The following DCBLD2 variants were observed in gnomAD, a reference collection of about 807,000 sequenced individuals.
DCBLD2 encodes discoidin, CUB and LCCL domain-containing protein 2.
In DCBLD2, 54 loss-of-function variants were observed where a neutral mutation model predicts 86.8. That is an observed-to-expected ratio of 0.62 (90% CI 0.50 to 0.78). The LOEUF is 0.78. Among genes scored for constraint, DCBLD2 ranks in the 30% least tolerant of loss-of-function variants. DCBLD2 has a pLI of 0.00. For synonymous variants in DCBLD2, 354 were observed against 341.3 expected, an observed-to-expected ratio of 1.04 and a Z score of -0.41; for missense variants, 908 against 954.2, an observed-to-expected ratio of 0.95 and a Z score of 0.64.
At chr3:98,838,943 G>A (rs1410887088) in intron 3 of DCBLD2, among the ~76,000 whole-genome samples, 3 of 151,164 alleles carry the variant, frequency 2.0e-5, no homozygotes, top group Non-Finnish European at 4.4e-5. Flanking sequence ...GACTGAGGCA[G>A]GAGTATCAGG....
chr3:98,870,211 G>T (rs1295028593), intron 2 of DCBLD2, among the ~76,000 whole-genome samples: 2 of 152,128 alleles, frequency 1.3e-5, no homozygotes, highest in Non-Finnish European at 2.9e-5. Flanking sequence ...TTCCCCCATT[G>T]TATGTTTCAG....
chr3:98,822,171 C>A (rs1466310969), intron 6 of DCBLD2, 57 bp downstream of exon 6: 2 of 1,597,924 alleles, frequency 1.3e-6, no homozygotes, highest in Admixed American at 3.3e-5. Flanking sequence ...TAGCCCAGTG[C>A]TACCCAGAAT....
At position 98,901,548 on chromosome 3, in the gene DCBLD2, AGGGGAGGGGAG is replaced by A. The variant is rs1452973325; in HGVS notation, c.-233_-223del. 2.7e-6 allele frequency: 1 copy of A among 364,770 alleles called. No homozygotes were observed. The highest frequency in any genetic ancestry group is 4.7e-6 in the Non-Finnish European group (1 of 211,646). The allele number at this position is 364,770 out of a possible 1,614,324, so 22.6% of individuals were successfully genotyped here. A position where few individuals can be genotyped will look rare whatever the true frequency, so the allele number is the denominator to read the frequency against. ...GCGCCGAGACCCCAGGCCGGAGCGC[AGGGGAGGGGAG>A]GGAAGGAAGCGGAGTCCTCGAGCCG... On this transcript the variant is annotated 5_prime_UTR_variant, in exon 1 of 16. Transcript: ENST00000326840.
intron 2 of DCBLD2, among the ~76,000 whole-genome samples, chr3:98,861,992 G>A (rs1327153496): frequency 6.6e-6 from 1 of 151,872 alleles, no homozygotes; most frequent in Admixed American, 6.6e-5. Flanking sequence ...GACTAATAAA[G>A]AAAAGAGAGA....
At chr3:98,820,981 G>GGA (rs1553725092) in intron 6 of DCBLD2, 2 of 90,736 alleles carry the variant, frequency 2.2e-5, no homozygotes, top group East Asian at 7.6e-4. Context: ...AAATAATCTA[G>GGA]AAAAAAAAAA....
intron 2 of DCBLD2, among the ~76,000 whole-genome samples, chr3:98,850,506 A>G (rs1006426223): frequency 6.6e-6 from 1 of 152,242 alleles, no homozygotes; most frequent in African/African-American, 2.4e-5. Flanking sequence ...GTACAGATCT[A>G]AGATACTAAG....
intron 13 of DCBLD2, among the ~76,000 whole-genome samples, chr3:98,803,732 T>A (rs540408001): frequency 3.9e-4 from 60 of 152,330 alleles, no homozygotes; most frequent in African/African-American, 1.4e-3. Context: ...AATACCTAAT[T>A]TATTGAGAGT....
chr3:98,859,600 T>C (rs1943001180), intron 2 of DCBLD2, among the ~76,000 whole-genome samples: 2 of 152,218 alleles, frequency 1.3e-5, no homozygotes, highest in South Asian at 2.1e-4. Flanking sequence ...CCACTGCTGA[T>C]ACCCAGGCAA....
At chr3:98,834,462 C>A (rs1218904918) in intron 3 of DCBLD2, among the ~76,000 whole-genome samples, 1 of 151,958 alleles carries the variant, frequency 6.6e-6, no homozygotes, top group Non-Finnish European at 1.5e-5. Flanking sequence ...CCCACCTCCT[C>A]CCCTTTCAGC....
At chr3:98,899,599 T>A (rs1036843219) in intron 1 of DCBLD2, among the ~76,000 whole-genome samples, 1 of 152,178 alleles carries the variant, frequency 6.6e-6, no homozygotes, top group Admixed American at 6.5e-5. Flanking sequence ...AAGGTAGACA[T>A]GTAACTGATT....
In DCBLD2 at chr3:98,806,893, C is replaced by T. The variant is rs117023553; in HGVS notation, c.1670+1188G>A. Among the ~76,000 whole-genome samples, 151 of 152,234 alleles carry T rather than the reference C, an allele frequency of 9.9e-4. 1 individual carries two copies. In the East Asian group the frequency reaches 0.016, roughly 17 times the overall value. On this transcript the variant is annotated intron_variant, in intron 13 of 15. Coordinates refer to ENST00000326840, the MANE Select transcript of DCBLD2 (RefSeq NM_080927.4). The stretch of plus-strand genomic sequence containing the variant: ...ATGCTACTGGGAAACATCTCCACTC[C>T]ATCTCTTCTCCCTTTCCTAGAATCA...
rs750407683 is a variant in DCBLD2, at chr3:98,819,423, A to G, written c.872-6T>C. 6.2e-7 allele frequency: 1 copy of G among 1,613,486 alleles called. No homozygotes were observed. The highest frequency in any genetic ancestry group is 1.3e-5 in the African/African-American group (1 of 74,906). On this transcript the variant is annotated splice_region_variant and splice_polypyrimidine_tract_variant and intron_variant, in intron 7 of 15. Transcript: ENST00000326840. ...CCCCAGTGTTCCATAACATCCTGAA[A>G]CAAAGAAAAGACTAAATTTGGTTTC...
At chr3:98,870,806 A>AAAGAAAGGAAGAAAGAAAGAAAGAAAGG (rs1559794682) in intron 2 of DCBLD2, among the ~76,000 whole-genome samples, 1 of 123,300 alleles carries the variant, frequency 8.1e-6, no homozygotes, top group African/African-American at 3.1e-5. Flanking sequence ...AGAAAGAAAG[A>AAAGAAAGGAAGAAAGAAAGAAAGAAAGG]AAGAAAGGTA....
intron 9 of DCBLD2, chr3:98,815,229 A>T (rs1942000419): frequency 6.6e-6 from 1 of 152,238 alleles, no homozygotes; most frequent in Admixed American, 6.5e-5. Flanking sequence ...AGTCAGCAGG[A>T]CAAGTCTCAC....
chr3:98,844,919 T>C (rs910360864), intron 3 of DCBLD2, among the ~76,000 whole-genome samples: 1 of 152,204 alleles, frequency 6.6e-6, no homozygotes, highest in African/African-American at 2.4e-5. Context: ...GAATAGACTG[T>C]TAGAGAGAAT....
chr3:98,867,380 G>C (rs778023648), intron 2 of DCBLD2, among the ~76,000 whole-genome samples: 4 of 152,064 alleles, frequency 2.6e-5, no homozygotes, highest in Non-Finnish European at 5.9e-5. Flanking sequence ...TTATTTCATT[G>C]AGCAGTGGTT....
chr3:98,845,598 T>C (rs925014786), intron 3 of DCBLD2, among the ~76,000 whole-genome samples: 1 of 152,234 alleles, frequency 6.6e-6, no homozygotes, highest in African/African-American at 2.4e-5. Flanking sequence ...CAGGGAAGAC[T>C]GCATAAACAA....
intron 2 of DCBLD2, among the ~76,000 whole-genome samples, chr3:98,853,729 G>A (rs1008477972): frequency 2.6e-5 from 4 of 152,196 alleles, no homozygotes; most frequent in Admixed American, 6.5e-5. Flanking sequence ...TGATAAACCA[G>A]AAGTATAATT....
chr3:98,861,046 G>C (rs1254022705), intron 2 of DCBLD2, among the ~76,000 whole-genome samples: 1 of 152,056 alleles, frequency 6.6e-6, no homozygotes, highest in East Asian at 1.9e-4. Context: ...CAAGCAAATG[G>C]AAAACACAAA....
Sources: allele counts gnomAD v4.1 joint callset (sites outside exome capture counted in the v4.1 genomes callset), GRCh38; gene constraint gnomAD v4.1.1; transcripts MANE v1.5; gene names NCBI Gene and HGNC (gene_info 2026-07-23, HGNC 2026-07-21).